Variants in SHANK2 observed in about 807,000 individuals in gnomAD.
SHANK2 encodes SH3 and multiple ankyrin repeat domains protein 2.
In SHANK2, 43 loss-of-function variants were observed where a neutral mutation model predicts 133.7. That is an observed-to-expected ratio of 0.32 (90% CI 0.25 to 0.41). The LOEUF (loss-of-function observed/expected upper bound fraction) is 0.41. Among genes scored for constraint, SHANK2 ranks in the 10% least tolerant of loss-of-function variants. SHANK2 has a pLI of 1.00. For synonymous variants in SHANK2, 1,017 were observed against 952.8 expected (o/e 1.07, Z -1.24); for missense variants, 1,994 against 2,235.8 (o/e 0.89, Z 2.18).
intron 17 of SHANK2, among the ~76,000 whole-genome samples, chr11:70,594,533 T>C (rs898620392): frequency 6.6e-6 from 1 of 152,100 alleles, no homozygotes; most frequent in African/African-American, 2.4e-5. Flanking sequence ...GTATCAACAG[T>C]ATATGAAAAG....
intron 18 of SHANK2, among the ~76,000 whole-genome samples, chr11:70,502,501 C>T (rs2059069956): frequency 6.6e-6 from 1 of 151,910 alleles, no homozygotes; most frequent in African/African-American, 2.4e-5. Flanking sequence ...CATGGGTGGG[C>T]CTGGGCAGGG....
At chr11:70,803,781 C>T (rs1287983308) in intron 13 of SHANK2, among the ~76,000 whole-genome samples, 1 of 137,650 alleles carries the variant, frequency 7.3e-6, no homozygotes, top group African/African-American at 2.8e-5. Flanking sequence ...GTGCCAGGCA[C>T]AGTGAAGGAC....
At chr11:70,928,369 C>G (rs1023017175) in intron 10 of SHANK2, among the ~76,000 whole-genome samples, 1 of 152,156 alleles carries the variant, frequency 6.6e-6, no homozygotes, top group Admixed American at 6.5e-5. Flanking sequence ...TTATTCAGGG[C>G]AGAACAGGCT....
intron 8 of SHANK2, 100 bp downstream of exon 8, chr11:71,092,322 C>T (rs1162635506): frequency 7.7e-7 from 1 of 1,299,320 alleles, no homozygotes; most frequent in East Asian, 2.5e-5. Flanking sequence ...TACCTGAAGG[C>T]AGGATCTAAC....
At chr11:70,767,036 G>A (rs782185087) in intron 14 of SHANK2, among the ~76,000 whole-genome samples, 1 of 152,236 alleles carries the variant, frequency 6.6e-6, no homozygotes, top group Admixed American at 6.5e-5. Flanking sequence ...ACGGACACGG[G>A]GAGGCATCAG....
chr11:71,251,553 C>A (rs1282067642), intron 1 of SHANK2, among the ~76,000 whole-genome samples: 1 of 151,544 alleles, frequency 6.6e-6, no homozygotes, highest in African/African-American at 2.4e-5. Flanking sequence ...GGCGGAGCTG[C>A]CCGGCCGCCG....
intron 17 of SHANK2, among the ~76,000 whole-genome samples, chr11:70,564,975 T>C (rs1554981600): frequency 6.6e-6 from 1 of 152,212 alleles, no homozygotes; most frequent in African/African-American, 2.4e-5. Context: ...TGGAATACAG[T>C]TTTAATGATT....
chr11:70,921,330 T>C (rs1387065985), intron 10 of SHANK2, among the ~76,000 whole-genome samples: 2 of 152,344 alleles, frequency 1.3e-5, no homozygotes, highest in Non-Finnish European at 2.9e-5. Flanking sequence ...GCTTCTCCCC[T>C]AGGATCATTT....
At chr11:70,926,692 C>A (rs1950431856) in intron 10 of SHANK2, among the ~76,000 whole-genome samples, 2 of 152,136 alleles carry the variant, frequency 1.3e-5, no homozygotes, top group African/African-American at 2.4e-5. Flanking sequence ...GAGCTGAGAC[C>A]AGAAGGCAGA....
intron 11 of SHANK2, among the ~76,000 whole-genome samples, chr11:70,849,364 CTA>C (rs1409751445): frequency 6.6e-6 from 1 of 152,236 alleles, no homozygotes; most frequent in African/African-American, 2.4e-5. Context: ...AATCCACAAT[CTA>C]TTCTCCCTAG....
intron 14 of SHANK2, among the ~76,000 whole-genome samples, chr11:70,755,118 C>T (rs1364990339): frequency 1.3e-5 from 2 of 151,184 alleles, no homozygotes; most frequent in Admixed American, 6.6e-5. Context: ...GTTGCCCAGG[C>T]TGGAGTGCAG....
intron 2 of SHANK2, among the ~76,000 whole-genome samples, chr11:71,199,940 G>A (rs1366542002): frequency 6.6e-6 from 1 of 152,112 alleles, no homozygotes; most frequent in East Asian, 1.9e-4. Flanking sequence ...TCTCAAAGGC[G>A]GACATGGTTT....
At chr11:71,204,638 A>C (rs1555117720) in intron 2 of SHANK2, among the ~76,000 whole-genome samples, 1 of 152,168 alleles carries the variant, frequency 6.6e-6, no homozygotes, top group East Asian at 1.9e-4. Flanking sequence ...AGGGTTTCTG[A>C]GAACAGGGTC....
At chr11:71,066,038 G>GC (rs1951053132) in intron 9 of SHANK2, among the ~76,000 whole-genome samples, 3 of 49,078 alleles carry the variant, frequency 6.1e-5, no homozygotes, top group Admixed American at 2.1e-4. Context: ...GGGGAAGTTG[G>GC]GGGAGGGTAC....
Position 70,486,630 on chromosome 11 carries a change from G to A in SHANK2, c.3663C>T (p.Ser1221=), listed in dbSNP as rs782464121. Residue 1221 remains serine (S), a synonymous_variant, in exon 25 of 26, where the codon TCC becomes TCT. Transcript: ENST00000601538. The surrounding 1 kb of genome is among the most constrained non-coding windows in gnomAD (Gnocchi z 8.0). ...DPSSPLALAL[S]ARDRAMKESQ... is the part of the protein sequence containing the mutation. ...ACTCCTTCATGGCTCGGTCCCTTGC[G>A]GAGAGTGCCAGGGCCAGCGGGGAGC... The A allele has an allele frequency of 4.3e-6, 7 of 1,613,090 alleles. No individual in the cohort carries two copies. The highest frequency in any genetic ancestry group is 2.7e-5 in the African/African-American group (2 of 74,942).
chr11:71,097,264 T>G (rs912433096), intron 6 of SHANK2, among the ~76,000 whole-genome samples: 4 of 151,806 alleles, frequency 2.6e-5, no homozygotes, highest in African/African-American at 9.7e-5. Flanking sequence ...TCCGCTGAGG[T>G]TCCACATTTG....
chr11:70,540,855 A>AC (rs1349852387), intron 17 of SHANK2, among the ~76,000 whole-genome samples: 1 of 151,464 alleles, frequency 6.6e-6, no homozygotes, highest in Non-Finnish European at 1.5e-5. Context: ...AAAAAAAAAA[A>AC]AAAAAACTCA....
intron 11 of SHANK2, among the ~76,000 whole-genome samples, chr11:70,847,519 G>GC (rs1290249215): frequency 1.3e-5 from 2 of 152,164 alleles, no homozygotes; most frequent in South Asian, 2.1e-4. Context: ...GGAGGGTGCT[G>GC]CCCCCCTACC....
chr11:70,490,874 T>G (rs2058877667), intron 22 of SHANK2, among the ~76,000 whole-genome samples: 1 of 152,216 alleles, frequency 6.6e-6, no homozygotes, highest in South Asian at 2.1e-4. Context: ...AGCCCCACAG[T>G]GTGTGCAAAG....
Sources: allele counts gnomAD v4.1 joint callset (sites outside exome capture counted in the v4.1 genomes callset), GRCh38; gene constraint gnomAD v4.1.1; non-coding constraint Gnocchi (gnomAD v3.1); transcripts MANE v1.5; gene names NCBI Gene and HGNC (gene_info 2026-07-23, HGNC 2026-07-21).